GRID2: variants seen among roughly 807,000 people sequenced by gnomAD.
The protein encoded by GRID2 is glutamate ionotropic receptor delta type subunit 2.
Under a neutral mutation model 114.8 loss-of-function variants are expected in GRID2, and 33 were observed. The ratio of observed to expected loss-of-function variants is 0.29; its 90% confidence interval spans 0.22 to 0.38. The LOEUF is 0.38. GRID2 is among the 10% of genes least tolerant of loss of function. GRID2 has a pLI of 1.00. For synonymous variants in GRID2, 505 were observed against 449.9 expected (o/e 1.12, Z -1.55); for missense variants, 1,184 against 1,257.7 (o/e 0.94, Z 0.89).
chr4:92,521,310 T>C (rs1481183409), intron 1 of GRID2, among the ~76,000 whole-genome samples: 3 of 151,926 alleles, frequency 2.0e-5, no homozygotes, highest in African/African-American at 7.2e-5. Flanking sequence ...ATCTATGTTA[T>C]GCAAGTTTTA....
chr4:93,708,865 A>C (rs1339372308), intron 14 of GRID2, among the ~76,000 whole-genome samples: 2 of 151,836 alleles, frequency 1.3e-5, no homozygotes, highest in African/African-American at 4.8e-5. Context: ...TATCTGTTAC[A>C]GAGTTTTTGA....
intron 1 of GRID2, among the ~76,000 whole-genome samples, chr4:92,357,114 T>A (rs1728366459): frequency 6.6e-6 from 1 of 151,718 alleles, no homozygotes; most frequent in African/African-American, 2.4e-5. Context: ...AAACTTTGGA[T>A]CAAGTGTCTG....
intron 2 of GRID2, among the ~76,000 whole-genome samples, chr4:92,604,257 T>C (rs1729353233): frequency 6.6e-6 from 1 of 152,196 alleles, no homozygotes; most frequent in Non-Finnish European, 1.5e-5. Context: ...ATTGCAGCAG[T>C]ATTCACAATA....
intron 2 of GRID2, among the ~76,000 whole-genome samples, chr4:92,680,651 T>C (rs867679309): frequency 6.6e-6 from 1 of 152,152 alleles, no homozygotes; most frequent in African/African-American, 2.4e-5. Flanking sequence ...TTCGTTGTTA[T>C]TTTAGAACAA....
intron 10 of GRID2, among the ~76,000 whole-genome samples, chr4:93,430,075 T>A (rs539441509): frequency 6.6e-6 from 1 of 152,328 alleles, no homozygotes; most frequent in South Asian, 2.1e-4. Flanking sequence ...AATTCTTTAG[T>A]TTTACTAGGT....
At chr4:92,906,884 C>T (rs939133812) in intron 2 of GRID2, among the ~76,000 whole-genome samples, 1 of 152,040 alleles carries the variant, frequency 6.6e-6, no homozygotes, top group Non-Finnish European at 1.5e-5. Flanking sequence ...AAAGTGTTGG[C>T]CTTGGACTAG....
intron 1 of GRID2, among the ~76,000 whole-genome samples, chr4:93,806,371 C>T (rs998650093): frequency 2.6e-5 from 4 of 152,162 alleles, no homozygotes; most frequent in African/African-American, 7.2e-5. Flanking sequence ...CATGTGAGAG[C>T]GATACTGCCT....
Position 93,321,981 on chromosome 4 carries a change from A to G in GRID2, c.1246-73626A>G, listed in dbSNP as rs1056269112. Among the ~76,000 whole-genome samples the G allele has an allele frequency of 3.3e-5, 5 of 151,602 alleles. No individual in the cohort carries two copies. The East Asian group carries it at 9.6e-4, about 29-fold the overall frequency. ...TTCTTTAGATTTATCCATAAGTTTA[A>G]TATTTTTAATTAAACAATCTTTCTT... On this transcript the variant is annotated intron_variant, in intron 8 of 15. Coordinates refer to ENST00000282020, the MANE Select transcript of GRID2 (RefSeq NM_001510.4).
chr4:93,677,911 A>G (rs1167448480), intron 14 of GRID2, among the ~76,000 whole-genome samples: 2 of 151,184 alleles, frequency 1.3e-5, no homozygotes, highest in Non-Finnish European at 2.9e-5. Flanking sequence ...CTCACCAGCA[A>G]CGGAACAAAG....
chr4:93,360,656 A>T (rs1011670296), intron 8 of GRID2, among the ~76,000 whole-genome samples: 2 of 151,956 alleles, frequency 1.3e-5, no homozygotes, highest in Admixed American at 6.6e-5. Context: ...AAATATTTAC[A>T]TGTGTTTTGT....
In GRID2 at chr4:92,965,450, T is replaced by TAAAAAAAAAAAAAA. The variant is rs869285420; in HGVS notation, c.245-119519_245-119506dup. ...AGGGTTGCCATAAACATTCAATTTG[T>TAAAAAAAAAAAAAA]AAAAAAAAAAAAAAAAAAAAAAAAA... On this transcript the variant is annotated intron_variant, in intron 2 of 15. Transcript: ENST00000282020. 6.1e-4 allele frequency among the ~76,000 whole-genome samples: 52 copies of TAAAAAAAAAAAAAA among 85,754 alleles called. 2 individuals carry two copies. The highest frequency in any genetic ancestry group is 5.1e-3 in the Middle Eastern group (1 of 196). The allele number at this position is 85,754 out of a possible 152,430, so 56.3% of individuals were successfully genotyped here. A position where few individuals can be genotyped will look rare whatever the true frequency, so the allele number is the denominator to read the frequency against.
intron 13 of GRID2, among the ~76,000 whole-genome samples, chr4:93,589,140 T>G (rs1268431952): frequency 3.3e-5 from 5 of 151,912 alleles, no homozygotes; most frequent in Admixed American, 2.6e-4. Context: ...CATGCTGGTG[T>G]GCTGCACGCA....
intron 2 of GRID2, among the ~76,000 whole-genome samples, chr4:92,919,835 T>C (rs1749155177): frequency 6.6e-6 from 1 of 152,210 alleles, no homozygotes; most frequent in African/African-American, 2.4e-5. Flanking sequence ...TCTGTTGATT[T>C]GGGGTGGAGA....
chr4:93,349,884 A>G (rs1193714055), intron 8 of GRID2, among the ~76,000 whole-genome samples: 2 of 152,108 alleles, frequency 1.3e-5, no homozygotes, highest in Non-Finnish European at 2.9e-5. Context: ...TTATGATAAA[A>G]TAAATAAATG....
intron 2 of GRID2, among the ~76,000 whole-genome samples, chr4:92,628,596 G>A (rs115554569): frequency 0.032 from 4,881 of 152,172 alleles, 120 homozygotes; most frequent in Middle Eastern, 0.095. Context: ...GAGGAAAGGC[G>A]ATCTGCCCGC....
At chr4:92,397,883 T>C (rs1730583633) in intron 1 of GRID2, among the ~76,000 whole-genome samples, 1 of 152,180 alleles carries the variant, frequency 6.6e-6, no homozygotes, top group African/African-American at 2.4e-5. Flanking sequence ...AAGAATGGTA[T>C]TGATTACCAT....
chr4:93,702,527 C>T (rs1727602882), intron 14 of GRID2, among the ~76,000 whole-genome samples: 1 of 151,978 alleles, frequency 6.6e-6, no homozygotes, highest in South Asian at 2.1e-4. Flanking sequence ...TTTGCTGTTA[C>T]CATAATGCTA....
chr4:93,378,490 T>C (rs1240371967), intron 8 of GRID2, among the ~76,000 whole-genome samples: 4 of 152,112 alleles, frequency 2.6e-5, no homozygotes, highest in Non-Finnish European at 4.4e-5. Flanking sequence ...TTACTCTGGA[T>C]TTTATTAATT....
At position 92,339,936 on chromosome 4, in the gene GRID2, T is replaced by C. The variant is rs1727389304; in HGVS notation, c.88+35192T>C. On this transcript the variant is annotated intron_variant, in intron 1 of 15. Transcript: ENST00000282020. The stretch of plus-strand genomic sequence containing the variant: ...ATCACAAAGCTCGTTTTTATTAGGC[T>C]CATGTTGAAAACACATAACTGAGCT... Among the ~76,000 whole-genome samples the C allele has an allele frequency of 3.3e-5, 5 of 152,168 alleles. No individual in the cohort carries two copies. In the South Asian group the frequency reaches 1.0e-3, roughly 32 times the overall value.
Sources: allele counts gnomAD v4.1 joint callset (sites outside exome capture counted in the v4.1 genomes callset), GRCh38; gene constraint gnomAD v4.1.1; transcripts MANE v1.5; gene names NCBI Gene and HGNC (gene_info 2026-07-23, HGNC 2026-07-21).